The following CHURC1 variants were observed in gnomAD, a reference collection of about 807,000 sequenced individuals.
The protein encoded by CHURC1 is protein Churchill.
In CHURC1, 12 loss-of-function variants were observed where a neutral mutation model predicts 15.4. The ratio of observed to expected loss-of-function variants is 0.78; its 90% CI spans 0.50 to 1.27. The LOEUF is 1.27. Ranked by LOEUF, CHURC1 falls within the 50% of genes most tolerant of loss-of-function variation. The probability of loss-of-function intolerance (pLI) is 0.00; values close to 1 mark genes in which losing one functional copy is unlikely to be tolerated. For synonymous variants in CHURC1, 42 were observed against 47.5 expected (o/e 0.88, Z 0.48); for missense variants, 132 against 137.8 (o/e 0.96, Z 0.21).
chr14:64,930,901 C>T, intron 3 of CHURC1: 1 of 449,882 alleles, frequency 2.2e-6, no homozygotes, highest in South Asian at 1.6e-5. Context: ...ATTTTTAATT[C>T]ATAAAGCCAT....
chr14:64,918,296 G>T (rs923253844), intron 1 of CHURC1, among the ~76,000 whole-genome samples: 5 of 152,164 alleles, frequency 3.3e-5, no homozygotes, highest in African/African-American at 4.8e-5. Flanking sequence ...GATGTTACGG[G>T]TCTTAGACTT....
At chr14:64,921,012 T>C (rs1198859146) in intron 1 of CHURC1, among the ~76,000 whole-genome samples, 5 of 152,202 alleles carry the variant, frequency 3.3e-5, no homozygotes, top group African/African-American at 7.2e-5. Flanking sequence ...AAGGTAGATA[T>C]ATGTATCAAG....
intron 1 of CHURC1, among the ~76,000 whole-genome samples, chr14:64,920,167 A>T (rs1340381084): frequency 6.6e-6 from 1 of 152,226 alleles, no homozygotes; most frequent in Non-Finnish European, 1.5e-5. Flanking sequence ...GCTTTCTCGT[A>T]AGATTTTATA....
At chr14:64,926,673 C>A (rs138212517) in intron 3 of CHURC1, among the ~76,000 whole-genome samples, 2 of 152,230 alleles carry the variant, frequency 1.3e-5, no homozygotes, top group African/African-American at 4.8e-5. Context: ...TAGAGTTGAA[C>A]AACTCTGCAG....
Position 64,933,461 on chromosome 14 carries a change from G to T in CHURC1, c.*1231G>T. On this transcript the variant is annotated 3_prime_UTR_variant, in exon 4 of 4. Transcript: ENST00000549115. The stretch of plus-strand genomic sequence containing the variant: ...CAGGAGGTTATAAACTGGCATTTAG[G>T]CCTCTCTGCCATTTAGTAGCAGTAT... The T allele has an allele frequency of 1.0e-6, 1 of 985,392 alleles. No homozygotes were observed. Among genetic ancestry groups the T allele is most frequent in the Non-Finnish European group, 1.2e-6 (1 of 829,930 alleles). 61.0% of individuals were successfully genotyped at this position (985,392 alleles called of 1,614,324 possible).
At chr14:64,926,209 G>GC in intron 3 of CHURC1, 129 bp downstream of exon 3, 1 of 329,756 alleles carries the variant, frequency 3.0e-6, no homozygotes. Flanking sequence ...AGGAGACTAT[G>GC]CCTTTTTTTT....
chr14:64,925,605 G>T (rs968882207), intron 2 of CHURC1, among the ~76,000 whole-genome samples: 1 of 145,880 alleles, frequency 6.9e-6, no homozygotes, highest in African/African-American at 2.6e-5. Context: ...GCTGATTTGG[G>T]AGGATAACTT....
chr14:64,933,506 A>G lies in CHURC1; in HGVS notation c.*1276A>G, dbSNP rs1394048742. On this transcript the variant is annotated 3_prime_UTR_variant, in exon 4 of 4. Transcript: ENST00000549115. ...CAGTATAGTCATTAAGCAAAGCATT[A>G]CTCTGGACTTTATTGTCCTGTTTCT... is the stretch of plus-strand genomic sequence containing the variant. The G allele has an allele frequency of 1.0e-6, 1 of 983,818 alleles. No individual in the cohort carries two copies. The highest frequency in any genetic ancestry group is 1.2e-6 in the Non-Finnish European group (1 of 828,578). 60.9% of individuals were successfully genotyped at this position (983,818 alleles called of 1,614,324 possible). A position where few individuals can be genotyped will look rare whatever the true frequency, so the allele number is the denominator to read the frequency against.
In CHURC1 at chr14:64,926,891, C is replaced by T. The variant is rs111821976; in HGVS notation, c.246+811C>T. Among the ~76,000 whole-genome samples, 1,026 of 152,236 alleles carry T rather than the reference C, an allele frequency of 6.7e-3. 6 individuals carry two copies. Among genetic ancestry groups the T allele is most frequent in the Non-Finnish European group, 0.011 (732 of 68,000 alleles). On this transcript the variant is annotated intron_variant, in intron 3 of 3. Coordinates refer to ENST00000549115, the MANE Select transcript of CHURC1 (RefSeq NM_001386928.1). The stretch of plus-strand genomic sequence containing the variant: ...AGTTGCTGAAGATACACAGGTCTGA[C>T]GGTCAGAAAGAAAAGCTGGGCAGTC...
rs1885155801 is a variant in CHURC1 at position 64,932,858 on chromosome 14, C to T, written c.*628C>T. ...GAATTTCAAATAATTTATGTAGATA[C>T]TCCCCACTTAGTGGGCTCTGCATAG... On this transcript the variant is annotated 3_prime_UTR_variant, in exon 4 of 4. Transcript: ENST00000549115. The T allele has an allele frequency of 6.6e-6, 1 of 152,158 alleles. No homozygotes were observed. Among genetic ancestry groups the T allele is most frequent in the African/African-American group, 2.4e-5 (1 of 41,410 alleles). The allele number at this position is 152,158 out of a possible 1,614,324, so 9.4% of individuals were successfully genotyped here.
rs1436523897 is a variant in CHURC1, at chr14:64,923,974, T to C, written c.40-17T>C. ...TTGAAATGTAAAGAAATTAAATTCC[T>C]GTTTCTGATATTTTAGGGTAATACC... is the stretch of plus-strand genomic sequence containing the variant. On this transcript the variant is annotated splice_polypyrimidine_tract_variant and intron_variant, in intron 1 of 3. Transcript: ENST00000549115. 6.7e-7 allele frequency: 1 copy of C among 1,495,520 alleles called. No homozygotes were observed. The highest frequency in any genetic ancestry group is 9.0e-7 in the Non-Finnish European group (1 of 1,116,758). The allele number at this position is 1,495,520 out of a possible 1,614,324, so 92.6% of individuals were successfully genotyped here. A position where few individuals can be genotyped will look rare whatever the true frequency, so the allele number is the denominator to read the frequency against.
At chr14:64,918,148 GA>G (rs1165399899) in intron 1 of CHURC1, among the ~76,000 whole-genome samples, 1 of 152,238 alleles carries the variant, frequency 6.6e-6, no homozygotes, top group East Asian at 1.9e-4. Flanking sequence ...GAGGTGATTG[GA>G]AAACCAGGAG....
intron 3 of CHURC1, among the ~76,000 whole-genome samples, chr14:64,928,252 GTTGT>G (rs566182422): frequency 7.8e-4 from 119 of 151,996 alleles, no homozygotes; most frequent in African/African-American, 2.8e-3. Context: ...AGTTGAACAG[GTTGT>G]TTGTTTGTTG....
intron 1 of CHURC1, among the ~76,000 whole-genome samples, chr14:64,919,702 G>C (rs192027820): frequency 7.2e-5 from 11 of 152,096 alleles, no homozygotes; most frequent in African/African-American, 2.7e-4. Context: ...GGCCAACATG[G>C]TGAAACCCTG....
At chr14:64,932,022 C>T (rs969915462) in intron 3 of CHURC1, 116 bp from the exon 4 acceptor site, 1 of 1,302,926 alleles carries the variant, frequency 7.7e-7, no homozygotes, top group African/African-American at 1.5e-5. Context: ...AGAAATTGAT[C>T]CAATGTACAG....
intron 2 of CHURC1, 54 bp downstream of exon 2, chr14:64,924,180 A>C (rs1292965954): frequency 4.5e-6 from 7 of 1,542,402 alleles, no homozygotes; most frequent in Non-Finnish European, 6.1e-6. Flanking sequence ...CAGCTTTTGG[A>C]AGTCGATATG....
chr14:64,933,749 A>ACT lies in CHURC1; in HGVS notation c.*1520_*1521dup. On this transcript the variant is annotated 3_prime_UTR_variant, in exon 4 of 4. Coordinates refer to ENST00000549115, the MANE Select transcript of CHURC1 (RefSeq NM_001386928.1). The stretch of plus-strand genomic sequence containing the variant: ...TATCTAGGAGATTTGGAAATTCTGA[A>ACT]CTAAGGTCTTATAAGAACAAGAAAT... 1 of 985,466 alleles carries ACT rather than the reference A, an allele frequency of 1.0e-6. No homozygotes were observed. Among genetic ancestry groups the ACT allele is most frequent in the Non-Finnish European group, 1.2e-6 (1 of 829,934 alleles). The allele number at this position is 985,466 out of a possible 1,614,324, so 61.0% of individuals were successfully genotyped here.
rs190683026 is a variant in CHURC1, at chr14:64,934,589, T to C, written c.*2359T>C. 3.0e-5 allele frequency: 30 copies of C among 985,438 alleles called. No homozygotes were observed. The East Asian group carries it at 1.7e-3, about 56-fold the overall frequency. The allele number at this position is 985,438 out of a possible 1,614,324, so 61.0% of individuals were successfully genotyped here. ...TCAGCTGTTGCAGGGATCAGTTGTT[T>C]TATTCCTGGAAAATGTTTTTCATTT... is the stretch of plus-strand genomic sequence containing the variant. On this transcript the variant is annotated 3_prime_UTR_variant, in exon 4 of 4. Transcript: ENST00000549115.
chr14:64,933,891 T>G lies in CHURC1; in HGVS notation c.*1661T>G. On this transcript the variant is annotated 3_prime_UTR_variant, in exon 4 of 4. Transcript: ENST00000549115. Reference sequence around the variant, plus strand: ...TGCTAAGAGCTTTTTAAGCACTTATTTAATCCTCATTAACAAATTCATAAG... The same window carrying G: ...TGCTAAGAGCTTTTTAAGCACTTATGTAATCCTCATTAACAAATTCATAAG... The G allele has an allele frequency of 3.0e-6, 3 of 984,452 alleles. No individual in the cohort carries two copies. The highest frequency in any genetic ancestry group is 3.6e-6 in the Non-Finnish European group (3 of 829,018). 61.0% of individuals were successfully genotyped at this position (984,452 alleles called of 1,614,324 possible).
Sources: allele counts gnomAD v4.1 joint callset (sites outside exome capture counted in the v4.1 genomes callset), GRCh38; gene constraint gnomAD v4.1.1; transcripts MANE v1.5; gene names NCBI Gene and HGNC (gene_info 2026-07-23, HGNC 2026-07-21).